Variants in FGGY observed in about 807,000 individuals in gnomAD.
The protein encoded by FGGY is FGGY carbohydrate kinase domain-containing protein.
In FGGY, 72 loss-of-function variants were observed where a neutral mutation model predicts 71.3. The observed-to-expected ratio is 1.01, with a 90% CI of 0.84 to 1.23. FGGY has a LOEUF of 1.23. FGGY is among the 50% of genes most tolerant of loss of function. FGGY has a pLI of 0.00. For missense variants in FGGY, 668 were observed against 682.3 expected, an observed-to-expected ratio of 0.98 and a Z score of 0.23; for synonymous variants, 251 against 250.3, an observed-to-expected ratio of 1.00 and a Z score of -0.02.
chr1:59,300,556 A>G (rs2042602877), intron 1 of FGGY, among the ~76,000 whole-genome samples: 1 of 152,182 alleles, frequency 6.6e-6, no homozygotes, highest in Admixed American at 6.5e-5. Flanking sequence ...TTTATCTAAG[A>G]TATCTTTGCT....
chr1:59,621,459 C>CA (rs56172542), intron 9 of FGGY, among the ~76,000 whole-genome samples: 68,502 of 98,798 alleles, frequency 0.69, 23,778 homozygotes, highest in Middle Eastern at 0.79. Context: ...GCCTCCGTCT[C>CA]AAAAAAAAAA....
chr1:59,525,984 T>C (rs2094965966), intron 7 of FGGY, among the ~76,000 whole-genome samples: 1 of 152,232 alleles, frequency 6.6e-6, no homozygotes, highest in Admixed American at 6.5e-5. Context: ...TGCCTGTGTC[T>C]GAATGCGTGT....
Position 59,638,291 on chromosome 1 carries a change from G to A in FGGY, c.1137G>A (p.Val379=), listed in dbSNP as rs1469809112. 6.2e-7 allele frequency: 1 copy of A among 1,614,216 alleles called. No homozygotes were observed. The highest frequency in any genetic ancestry group is 1.7e-5 in the Admixed American group (1 of 60,030). Reference sequence around the variant, plus strand: ...ATCTGATTAAGAAGGCTCAGCCTGTGGGTTTCCTTACTGTTGATTTACATG... The same window carrying A: ...ATCTGATTAAGAAGGCTCAGCCTGTAGGTTTCCTTACTGTTGATTTACATG... ...HLDLIKKAQP[V]GFLTVDLHVW... Residue 379 remains valine (V), a synonymous_variant, in exon 11 of 16, where the codon GTG becomes GTA. Transcript: ENST00000303721.
intron 9 of FGGY, among the ~76,000 whole-genome samples, chr1:59,608,607 C>G (rs1358761640): frequency 6.6e-6 from 1 of 152,146 alleles, no homozygotes; most frequent in Non-Finnish European, 1.5e-5. Flanking sequence ...CTGGGGCGGG[C>G]AGACCACCTG....
At chr1:59,375,061 A>G (rs1423807663) in intron 4 of FGGY, among the ~76,000 whole-genome samples, 1 of 147,298 alleles carries the variant, frequency 6.8e-6, no homozygotes, top group Non-Finnish European at 1.5e-5. Flanking sequence ...AACTTAAAGT[A>G]TAATAATAAT....
At chr1:59,535,011 G>A (rs977577595) in intron 7 of FGGY, among the ~76,000 whole-genome samples, 1 of 151,534 alleles carries the variant, frequency 6.6e-6, no homozygotes, top group Non-Finnish European at 1.5e-5. Flanking sequence ...TGGACTAAAT[G>A]CTCCAATTAA....
chr1:59,421,988 T>G (rs2153446022), intron 5 of FGGY, among the ~76,000 whole-genome samples: 1 of 152,304 alleles, frequency 6.6e-6, no homozygotes, highest in African/African-American at 2.4e-5. Flanking sequence ...GAGTCAGCCC[T>G]TGGCTTTGAG....
At chr1:59,495,480 CT>C (rs2094002512) in intron 6 of FGGY, among the ~76,000 whole-genome samples, 1 of 151,686 alleles carries the variant, frequency 6.6e-6, no homozygotes, top group South Asian at 2.1e-4. Context: ...ATATCTAAGT[CT>C]TTAATCTATC....
intron 7 of FGGY, among the ~76,000 whole-genome samples, chr1:59,518,223 C>T (rs1476849147): frequency 6.6e-6 from 1 of 152,178 alleles, no homozygotes; most frequent in African/African-American, 2.4e-5. Context: ...GCCTTTGGTT[C>T]ATGCCCTAGA....
At chr1:59,625,551 T>G (rs2096848428) in intron 9 of FGGY, among the ~76,000 whole-genome samples, 1 of 152,116 alleles carries the variant, frequency 6.6e-6, no homozygotes, top group African/African-American at 2.4e-5. Context: ...TCTCCATTAG[T>G]AAGACACAGT....
chr1:59,501,792 T>C (rs2094232179), intron 6 of FGGY, among the ~76,000 whole-genome samples: 1 of 152,176 alleles, frequency 6.6e-6, no homozygotes, highest in Admixed American at 6.5e-5. Flanking sequence ...TTTAACAGCT[T>C]TCACAGGTTC....
intron 6 of FGGY, among the ~76,000 whole-genome samples, chr1:59,481,239 T>C (rs1196433006): frequency 1.3e-5 from 2 of 152,172 alleles, no homozygotes; most frequent in Non-Finnish European, 2.9e-5. Context: ...CTTTCCCCTA[T>C]AGAGTTCTTT....
In FGGY at chr1:59,583,934, T is replaced by C; in HGVS notation, c.904-23869T>C. 1.7e-5 allele frequency among the ~76,000 whole-genome samples: 2 copies of C among 116,098 alleles called. 1 individual carries two copies. Among genetic ancestry groups the C allele is most frequent in the South Asian group, 8.6e-4 (2 of 2,316 alleles). 76.2% of individuals were successfully genotyped at this position (116,098 alleles called of 152,430 possible). The stretch of plus-strand genomic sequence containing the variant: ...ACAGCTAACCACTGCTGCTCGGAAG[T>C]GTCGACGGCTCACCACTTATGTGTT... On this transcript the variant is annotated intron_variant, in intron 8 of 15. Transcript: ENST00000303721.
At chr1:59,557,116 G>T (rs1362603966) in intron 8 of FGGY, among the ~76,000 whole-genome samples, 2 of 152,128 alleles carry the variant, frequency 1.3e-5, no homozygotes, top group Admixed American at 1.3e-4. Context: ...ACCTTTGTGA[G>T]GTCTAGGAGA....
Position 59,757,993 on chromosome 1 carries a change from G to GT in FGGY, c.1574+2dup. 1 of 1,609,888 alleles carries GT rather than the reference G, an allele frequency of 6.2e-7. No individual in the cohort carries two copies. Among genetic ancestry groups the GT allele is most frequent in the Non-Finnish European group, 8.5e-7 (1 of 1,176,784 alleles). ...TGTTCCCGAGACTACAGGATAAAAA[G>GT]TAAGTGTGTATTTTTTATATGTACA... On this transcript the variant is annotated splice_donor_variant, in intron 15 of 15. Coordinates refer to ENST00000303721, the MANE Select transcript of FGGY (RefSeq NM_018291.5). LOFTEE classifies it high-confidence loss of function.
chr1:59,735,228 G>T (rs1173242882), intron 14 of FGGY, among the ~76,000 whole-genome samples: 1 of 152,076 alleles, frequency 6.6e-6, no homozygotes, highest in Non-Finnish European at 1.5e-5. Flanking sequence ...ACATGTCTTG[G>T]CCCCCTTGAG....
At chr1:59,465,750 T>C (rs2092582177) in intron 6 of FGGY, among the ~76,000 whole-genome samples, 1 of 152,142 alleles carries the variant, frequency 6.6e-6, no homozygotes, top group Non-Finnish European at 1.5e-5. Context: ...GAATTCCCAT[T>C]CACAATTGCT....
At chr1:59,518,381 A>G (rs2094723082) in intron 7 of FGGY, among the ~76,000 whole-genome samples, 1 of 152,222 alleles carries the variant, frequency 6.6e-6, no homozygotes, top group African/African-American at 2.4e-5. Flanking sequence ...ATTTATAAGT[A>G]GTATATATAC....
chr1:59,472,113 C>T (rs1464470434), intron 6 of FGGY, among the ~76,000 whole-genome samples: 2 of 152,198 alleles, frequency 1.3e-5, no homozygotes, highest in South Asian at 2.1e-4. Flanking sequence ...CCTCAGCTTG[C>T]GGGGAGGTGT....
Sources: gnomAD v4.1 joint callset for allele counts (sites outside exome capture counted in the v4.1 genomes callset) on GRCh38, gnomAD v4.1.1 for gene constraint, MANE v1.5 for transcripts, NCBI Gene and HGNC (gene_info 2026-07-23, HGNC 2026-07-21) for gene names.